Variants in TSHR observed in about 807,000 individuals in gnomAD.
The protein encoded by TSHR is thyroid stimulating hormone receptor.
In TSHR, 51 loss-of-function variants were observed where a neutral mutation model predicts 64.1. The ratio of observed to expected loss-of-function variants is 0.80; its 90% CI spans 0.64 to 1.01. The LOEUF is 1.01. Ranked by LOEUF, TSHR falls within the 50% of genes least tolerant of loss-of-function variation. TSHR has a pLI of 0.00. For synonymous variants in TSHR, 361 were observed against 361.9 expected (o/e 1.00, Z 0.03); for missense variants, 877 against 942.8 (o/e 0.93, Z 0.91).
chr14:81,144,735 A>G lies in TSHR; in HGVS notation c.*382A>G, dbSNP rs1891866361. The G allele has an allele frequency of 3.7e-6, 1 of 268,308 alleles. No individual in the cohort carries two copies. Among genetic ancestry groups the G allele is most frequent in the African/African-American group, 2.2e-5 (1 of 45,958 alleles). 16.6% of individuals were successfully genotyped at this position (268,308 alleles called of 1,614,324 possible). A position where few individuals can be genotyped will look rare whatever the true frequency, so the allele number is the denominator to read the frequency against. ...TTCATACTAAAGATTCAGCAAATGG[A>G]AAATGCTATTAATTTGGTTGGTGAC... On this transcript the variant is annotated 3_prime_UTR_variant, in exon 10 of 10. Transcript: ENST00000298171.
chr14:80,956,545 T>C (rs1183873213), intron 1 of TSHR, among the ~76,000 whole-genome samples: 2 of 152,214 alleles, frequency 1.3e-5, no homozygotes, highest in Admixed American at 1.3e-4. Context: ...CACAACCTGT[T>C]TCTTAACAGC....
rs1255835183 is a variant in TSHR, at chr14:81,002,791, T to TAG, written c.170+46941_170+46942insAG. Among the ~76,000 whole-genome samples, 33 of 35,692 alleles carry TAG rather than the reference T, an allele frequency of 9.2e-4. 1 individual carries two copies. In the East Asian group the frequency reaches 0.014, roughly 15 times the overall value. 23.4% of individuals were successfully genotyped at this position (35,692 alleles called of 152,430 possible). Reference sequence around the variant, plus strand: ...AGGTCCCTAATGCCTCTTTTTTTTTTTTTTTTTTTTTTTTTTATCTTTTTT... The same window carrying TAG: ...AGGTCCCTAATGCCTCTTTTTTTTTTAGTTTTTTTTTTTTTTTTATCTTTTTT... On this transcript the variant is annotated intron_variant, in intron 1 of 9. Coordinates refer to ENST00000298171, the MANE Select transcript of TSHR (RefSeq NM_000369.5).
intron 4 of TSHR, among the ~76,000 whole-genome samples, chr14:81,089,903 A>G (rs935965085): frequency 2.6e-5 from 4 of 152,170 alleles, no homozygotes; most frequent in Non-Finnish European, 5.9e-5. Flanking sequence ...TGCCTCTTCA[A>G]ATCCTATGCC....
At chr14:80,977,672 A>T (rs147362279) in intron 1 of TSHR, among the ~76,000 whole-genome samples, 289 of 152,286 alleles carry the variant, frequency 1.9e-3, no homozygotes, top group Middle Eastern at 6.8e-3. Flanking sequence ...AGTCTATGAG[A>T]TCATATGGCC....
At chr14:81,077,528 A>T (rs1887594036) in intron 3 of TSHR, among the ~76,000 whole-genome samples, 1 of 152,202 alleles carries the variant, frequency 6.6e-6, no homozygotes, top group East Asian at 1.9e-4. Context: ...TCTCTAAAGT[A>T]GTTACTATCA....
chr14:81,106,721 G>C (rs1889916869), intron 7 of TSHR, among the ~76,000 whole-genome samples: 2 of 152,072 alleles, frequency 1.3e-5, no homozygotes, highest in Admixed American at 1.3e-4. Flanking sequence ...GAGTTGGGCA[G>C]ATCAGTTGAG....
chr14:81,001,335 A>C, intron 1 of TSHR: 6 of 297,564 alleles, frequency 2.0e-5, no homozygotes, highest in South Asian at 2.0e-4. Context: ...TTTAGGAAAA[A>C]TTTGTTCCTT....
At chr14:81,034,351 T>G (rs1884514100) in intron 1 of TSHR, among the ~76,000 whole-genome samples, 1 of 152,170 alleles carries the variant, frequency 6.6e-6, no homozygotes, top group Non-Finnish European at 1.5e-5. Flanking sequence ...CTAAGTGGGG[T>G]GCAGTGGCAC....
intron 3 of TSHR, among the ~76,000 whole-genome samples, chr14:81,084,148 A>G (rs1888112933): frequency 6.6e-6 from 1 of 152,238 alleles, no homozygotes; most frequent in African/African-American, 2.4e-5. Context: ...GAGCCAGACC[A>G]TATCATCTTC....
At chr14:81,079,425 A>G (rs982012701) in intron 3 of TSHR, among the ~76,000 whole-genome samples, 10 of 152,220 alleles carry the variant, frequency 6.6e-5, no homozygotes, top group African/African-American at 2.4e-4. Context: ...ATGGTAATAC[A>G]TACCTTGCAG....
At chr14:81,101,617 G>A (rs1209251413) in intron 7 of TSHR, among the ~76,000 whole-genome samples, 1 of 152,132 alleles carries the variant, frequency 6.6e-6, no homozygotes, top group Non-Finnish European at 1.5e-5. Context: ...GTCACAGGTG[G>A]CCACAGCCTA....
chr14:81,076,935 G>C (rs1300001676), intron 3 of TSHR, among the ~76,000 whole-genome samples: 2 of 152,110 alleles, frequency 1.3e-5, no homozygotes, highest in African/African-American at 4.8e-5. Context: ...CTTCACTCCT[G>C]CACACCTGTG....
chr14:81,011,302 G>C (rs1840214738), intron 1 of TSHR, among the ~76,000 whole-genome samples: 1 of 151,672 alleles, frequency 6.6e-6, no homozygotes, highest in African/African-American at 2.4e-5. Context: ...ATTCTGGTTA[G>C]TGCATTTTTA....
intron 3 of TSHR, among the ~76,000 whole-genome samples, chr14:81,075,012 C>T (rs748696174): frequency 2.4e-4 from 36 of 152,196 alleles, no homozygotes; most frequent in Non-Finnish European, 4.7e-4. Context: ...CTAAAGCTGC[C>T]TCCTTGTAAA....
chr14:81,143,450 G>T lies in TSHR; in HGVS notation c.1392G>T (p.Gly464=), dbSNP rs1168664244. ...TGGCCTTTGCGGATTTCTGCATGGG[G>T]ATGTACCTGCTCCTCATCGCCTCTG... is the stretch of plus-strand genomic sequence containing the variant. ...CNLAFADFCM[G]MYLLLIASVD... The change falls in exon 10 of 10, where the codon GGG becomes GGT. Residue 464 remains glycine, a synonymous_variant. Transcript: ENST00000298171. The T allele has an allele frequency of 6.2e-7, 1 of 1,614,042 alleles. No homozygotes were observed. The highest frequency in any genetic ancestry group is 1.3e-5 in the African/African-American group (1 of 74,896).
At chr14:81,082,109 A>C (rs1887944641) in intron 3 of TSHR, among the ~76,000 whole-genome samples, 1 of 152,242 alleles carries the variant, frequency 6.6e-6, no homozygotes, top group Non-Finnish European at 1.5e-5. Flanking sequence ...AGACTCTCCC[A>C]GCACTCCCTC....
Position 81,103,326 on chromosome 14 carries a change from G to A in TSHR, c.615-5049G>A. The A allele has an allele frequency of 1.0e-6, 1 of 985,370 alleles. No individual in the cohort carries two copies. The allele number at this position is 985,370 out of a possible 1,614,324, so 61.0% of individuals were successfully genotyped here. On this transcript the variant is annotated intron_variant, in intron 7 of 9. Coordinates refer to ENST00000298171, the MANE Select transcript of TSHR (RefSeq NM_000369.5). The surrounding 1 kb of genome is among the most constrained non-coding windows in gnomAD (Gnocchi z 4.1). ...TTCAAGGATTTCACATGGCATGTTA[G>A]CAATTTGGTAATTTCTCCAGAAGTT...
chr14:81,115,299 G>A (rs199976401), intron 8 of TSHR, among the ~76,000 whole-genome samples: 8,932 of 149,630 alleles, frequency 0.06, 694 homozygotes, highest in East Asian at 0.21. Flanking sequence ...TTAGAAGAAT[G>A]TATAACGAGA....
chr14:81,071,114 A>G lies in TSHR; in HGVS notation c.317+2786A>G, dbSNP rs573803003. Among the ~76,000 whole-genome samples, 387 of 152,312 alleles carry G rather than the reference A, an allele frequency of 2.5e-3. 7 individuals carry two copies. In the Middle Eastern group the frequency reaches 0.027, roughly 11 times the overall value. ...TGAAACTGTATTAAGCAGTCTTAAT[A>G]ATCAATAAGAAAAATTGTGTTGTGA... On this transcript the variant is annotated intron_variant, in intron 3 of 9. Coordinates refer to ENST00000298171, the MANE Select transcript of TSHR (RefSeq NM_000369.5).
Sources: gnomAD v4.1 joint callset for allele counts (sites outside exome capture counted in the v4.1 genomes callset) on GRCh38, gnomAD v4.1.1 for gene constraint, Gnocchi (gnomAD v3.1) non-coding constraint, MANE v1.5 for transcripts, NCBI Gene and HGNC (gene_info 2026-07-23, HGNC 2026-07-21) for gene names.